The following ME3 variants were observed in gnomAD, a reference collection of about 807,000 sequenced individuals.
ME3 encodes malic enzyme 3, also known as NADP-dependent malic enzyme, mitochondrial.
ME3 carries 48 observed loss-of-function variants against 68.9 expected under a neutral mutation model. That is an observed-to-expected ratio of 0.70 (90% CI 0.55 to 0.89). The LOEUF is 0.89. Ranked by LOEUF, ME3 falls within the 40% of genes least tolerant of loss-of-function variation. The pLI is 0.00. For missense variants in ME3, 675 were observed against 797.4 expected (o/e 0.85, Z 1.85); for synonymous variants, 320 against 318.8 (o/e 1.00, Z -0.04).
intron 2 of ME3, among the ~76,000 whole-genome samples, chr11:86,628,555 GT>G (rs1371270300): frequency 2.6e-5 from 4 of 152,190 alleles, no homozygotes; most frequent in African/African-American, 9.7e-5. Context: ...TGACTGTAAA[GT>G]GCAGTCAAAG....
chr11:86,606,275 C>T (rs1481207538), intron 2 of ME3, among the ~76,000 whole-genome samples: 1 of 152,200 alleles, frequency 6.6e-6, no homozygotes, highest in Non-Finnish European at 1.5e-5. Flanking sequence ...GTGATGGTCA[C>T]ATACCTGGCT....
intron 11 of ME3, 111 bp downstream of exon 11, chr11:86,448,039 A>G (rs1272419027): frequency 4.3e-6 from 3 of 705,476 alleles, no homozygotes; most frequent in Admixed American, 2.6e-5. Context: ...GGGATAGGGG[A>G]AAGAGCTGTT....
At chr11:86,610,425 G>A (rs984762600) in intron 2 of ME3, among the ~76,000 whole-genome samples, 1 of 152,176 alleles carries the variant, frequency 6.6e-6, no homozygotes, top group Admixed American at 6.5e-5. Flanking sequence ...GGGCATTTAA[G>A]TTGAGCCTAG....
chr11:86,462,530 G>A, intron 8 of ME3: 1 of 1,205,740 alleles, frequency 8.3e-7, no homozygotes, highest in Non-Finnish European at 1.1e-6. Flanking sequence ...TAACAGAGAG[G>A]CTGCAGGGGC....
At chr11:86,471,081 T>C (rs541590307) in intron 7 of ME3, among the ~76,000 whole-genome samples, 7 of 151,344 alleles carry the variant, frequency 4.6e-5, no homozygotes, top group African/African-American at 1.5e-4. Flanking sequence ...GCTGGTTCTC[T>C]CTGTCTAGAA....
intron 13 of ME3, among the ~76,000 whole-genome samples, chr11:86,444,535 C>T (rs1010822351): frequency 1.3e-5 from 2 of 152,108 alleles, no homozygotes; most frequent in African/African-American, 4.8e-5. Context: ...GCTAGATATG[C>T]ATCTAGAAAA....
At chr11:86,546,405 A>G (rs139249022) in intron 4 of ME3, among the ~76,000 whole-genome samples, 4,736 of 152,302 alleles carry the variant, frequency 0.031, 97 homozygotes, top group South Asian at 0.1. Flanking sequence ...AAAATTTTGC[A>G]ATCTATCCAT....
intron 4 of ME3, among the ~76,000 whole-genome samples, chr11:86,523,468 AAC>A (rs1361479207): frequency 6.6e-6 from 1 of 152,230 alleles, no homozygotes; most frequent in African/African-American, 2.4e-5. Flanking sequence ...GGCTTCTATT[AAC>A]ACAGAGAAAA....
At chr11:86,613,132 C>T (rs1942711656) in intron 2 of ME3, among the ~76,000 whole-genome samples, 1 of 152,128 alleles carries the variant, frequency 6.6e-6, no homozygotes, top group African/African-American at 2.4e-5. Context: ...ATATGGCTAG[C>T]CAGTTTTCCC....
intron 2 of ME3, among the ~76,000 whole-genome samples, chr11:86,631,793 C>A (rs954488955): frequency 7.2e-5 from 11 of 152,160 alleles, no homozygotes; most frequent in African/African-American, 2.7e-4. Context: ...AGTGTAGTGG[C>A]ACAATTTCAA....
intron 4 of ME3, among the ~76,000 whole-genome samples, chr11:86,520,009 C>T (rs945272257): frequency 3.3e-5 from 5 of 152,174 alleles, no homozygotes; most frequent in Admixed American, 6.5e-5. Flanking sequence ...ATTTTCTATC[C>T]TGAAGAATAT....
intron 7 of ME3, among the ~76,000 whole-genome samples, chr11:86,472,476 A>C (rs1241517787): frequency 2.0e-5 from 3 of 152,224 alleles, no homozygotes; most frequent in African/African-American, 4.8e-5. Flanking sequence ...TGGTATTAAT[A>C]TAAGGCAGTG....
chr11:86,613,536 T>C (rs767597394), intron 2 of ME3, among the ~76,000 whole-genome samples: 66 of 152,184 alleles, frequency 4.3e-4, no homozygotes, highest in Non-Finnish European at 1.6e-4. Flanking sequence ...ATTGTCTCTA[T>C]CTGCAGATGA....
At chr11:86,482,864 G>A (rs1236916636) in intron 7 of ME3, among the ~76,000 whole-genome samples, 1 of 152,122 alleles carries the variant, frequency 6.6e-6, no homozygotes, top group Admixed American at 6.5e-5. Flanking sequence ...GCAGCCATAT[G>A]TGTGACCATT....
intron 4 of ME3, among the ~76,000 whole-genome samples, chr11:86,521,980 T>A (rs1012987135): frequency 6.6e-6 from 1 of 152,200 alleles, no homozygotes; most frequent in African/African-American, 2.4e-5. Flanking sequence ...CCGGGCATGG[T>A]GACTCATACC....
chr11:86,487,468 G>A, intron 6 of ME3, 28 bp from the exon 7 acceptor site: 2 of 1,560,384 alleles, frequency 1.3e-6, no homozygotes, highest in Non-Finnish European at 1.8e-6. Flanking sequence ...CATTGACTGA[G>A]CCTACTCCCG....
At chr11:86,446,677 T>C (rs547724362) in intron 12 of ME3, among the ~76,000 whole-genome samples, 190 bp from the exon 13 acceptor site, 1 of 152,344 alleles carries the variant, frequency 6.6e-6, no homozygotes, top group East Asian at 1.9e-4. Flanking sequence ...TCACCTGTTA[T>C]CTAGCAGCCA....
At chr11:86,642,038 C>T (rs1397690287) in intron 2 of ME3, among the ~76,000 whole-genome samples, 2 of 152,110 alleles carry the variant, frequency 1.3e-5, no homozygotes, top group East Asian at 3.9e-4. Context: ...AAGAGAAAGG[C>T]AAGCTAAAAT....
chr11:86,480,097 G>C (rs1423015629), intron 7 of ME3, among the ~76,000 whole-genome samples: 1 of 152,180 alleles, frequency 6.6e-6, no homozygotes, highest in Non-Finnish European at 1.5e-5. Flanking sequence ...GGGATTGTAG[G>C]CATGAGCCAC....
Sources: allele counts gnomAD v4.1 joint callset (sites outside exome capture counted in the v4.1 genomes callset), GRCh38; gene constraint gnomAD v4.1.1; transcripts MANE v1.5; gene names NCBI Gene and HGNC (gene_info 2026-07-23, HGNC 2026-07-21).